Variants in VPS51 observed in about 807,000 individuals in gnomAD.
The protein encoded by VPS51 is VPS51 subunit of GARP complex.
In VPS51, 55 loss-of-function variants were observed where a neutral mutation model predicts 65.1. The observed-to-expected ratio is 0.84, with a 90% CI of 0.68 to 1.06. VPS51 has a LOEUF of 1.06. Among genes scored for constraint, VPS51 ranks in the 50% least tolerant of loss-of-function variants. The pLI, the probability that VPS51 is intolerant of heterozygous loss-of-function variation, is 0.00. For missense variants in VPS51, 943 were observed against 1,101.6 expected, an observed-to-expected ratio of 0.86 and a Z score of 2.04; for synonymous variants, 473 against 489.5, an observed-to-expected ratio of 0.97 and a Z score of 0.44.
intron 2 of VPS51, among the ~76,000 whole-genome samples, chr11:65,104,700 G>C (rs1207167419): frequency 6.6e-6 from 1 of 152,188 alleles, no homozygotes; most frequent in African/African-American, 2.4e-5. Flanking sequence ...AGATATGAAT[G>C]TGTATATGTG....
Position 65,104,553 on chromosome 11 carries a change from G to A in VPS51, c.359-3028G>A, listed in dbSNP as rs1482677661. Reference sequence around the variant, plus strand: ...AATTATTATGAGATCCTCTAATTTTGAGTCATCCTGGCATTCATGAAACAA... The same window carrying A: ...AATTATTATGAGATCCTCTAATTTTAAGTCATCCTGGCATTCATGAAACAA... On this transcript the variant is annotated intron_variant, in intron 2 of 9. Coordinates refer to ENST00000279281, the MANE Select transcript of VPS51 (RefSeq NM_013265.4). Among the ~76,000 whole-genome samples, 3 of 152,132 alleles carry A rather than the reference G, an allele frequency of 2.0e-5. 1 individual carries two copies. Among genetic ancestry groups the A allele is most frequent in the African/African-American group, 7.2e-5 (3 of 41,420 alleles).
In VPS51 at chr11:65,108,754, C is replaced by T; in HGVS notation, c.1283C>T (p.Ala428Val). The T allele has an allele frequency of 1.2e-6, 2 of 1,611,946 alleles. No homozygotes were observed. Among genetic ancestry groups the T allele is most frequent in the Non-Finnish European group, 1.7e-6 (2 of 1,179,832 alleles). Residue 428 changes from alanine to valine, a missense_variant, in exon 5 of 10, where the codon GCG becomes GTG. Around this residue, in one of 2 missense-constraint regions of VPS51, gnomAD observed 855 missense variants for 953.7 expected, o/e 0.90. Transcript: ENST00000279281. ...GGCTGCCTGACAGACGTCCGCCAGGCGCTGGCAGCACCTCGCGTGGCTGGG... is the reference window on the plus strand; with the variant it reads ...GGCTGCCTGACAGACGTCCGCCAGGTGCTGGCAGCACCTCGCGTGGCTGGG... ...FLGCLTDVRQ[A>V]LAAPRVAGKE...
chr11:65,107,567 C>A lies in VPS51; in HGVS notation c.359-14C>A. 1 of 1,570,796 alleles carries A rather than the reference C, an allele frequency of 6.4e-7. No homozygotes were observed. Among genetic ancestry groups the A allele is most frequent in the Middle Eastern group, 1.7e-4 (1 of 5,886 alleles). On this transcript the variant is annotated splice_polypyrimidine_tract_variant and intron_variant, in intron 2 of 9. Coordinates refer to ENST00000279281, the MANE Select transcript of VPS51 (RefSeq NM_013265.4). This position sits in a 1 kb window ranked among gnomAD's most constrained non-coding sequence, Gnocchi z 4.0. ...TCACCTGCTCTCCCCTTTTCCCCGC[C>A]CCTGCCCTCCTAGACACCATCCGGA...
At position 65,107,202 on chromosome 11, in the gene VPS51, C is replaced by G. The variant is rs1312386974; in HGVS notation, c.359-379C>G. 4.1e-6 allele frequency: 2 copies of G among 483,700 alleles called. No homozygotes were observed. The highest frequency in any genetic ancestry group is 3.9e-5 in the African/African-American group (2 of 51,148). The allele number at this position is 483,700 out of a possible 1,614,324, so 30.0% of individuals were successfully genotyped here. ...CCTCATCCAGGCAGTGCGCTGGACA[C>G]GCAGATGCGCTTGGGAGCCAGCGGT... On this transcript the variant is annotated intron_variant, in intron 2 of 9. Coordinates refer to ENST00000279281, the MANE Select transcript of VPS51 (RefSeq NM_013265.4). The surrounding 1 kb of genome is among the most constrained non-coding windows in gnomAD (Gnocchi z 4.0).
intron 2 of VPS51, among the ~76,000 whole-genome samples, chr11:65,101,675 A>C (rs966151140): frequency 7.0e-6 from 1 of 143,458 alleles, no homozygotes; most frequent in Non-Finnish European, 1.5e-5. Context: ...GCTGAGGTGG[A>C]AGGCTTGTAC....
chr11:65,106,679 A>T (rs1947843651), intron 2 of VPS51, among the ~76,000 whole-genome samples: 1 of 151,946 alleles, frequency 6.6e-6, no homozygotes, highest in Admixed American at 6.6e-5. Flanking sequence ...TGAACCTGGG[A>T]ATTGGAGTTT....
chr11:65,109,902 T>TA lies in VPS51; in HGVS notation c.1858dup (p.Thr620AsnfsTer65). 1 of 1,606,556 alleles carries TA rather than the reference T, an allele frequency of 6.2e-7. No individual in the cohort carries two copies. The highest frequency in any genetic ancestry group is 8.5e-7 in the Non-Finnish European group (1 of 1,178,234). ...CCGTCATGAAGCGGGTGGTGGAGGA[T>TA]ACCACCGCCATCGACGTGCAGGTGC... On this transcript the variant is annotated frameshift_variant, in exon 7 of 10. Coordinates refer to ENST00000279281, the MANE Select transcript of VPS51 (RefSeq NM_013265.4). LOFTEE classifies it high-confidence loss of function.
chr11:65,096,668 C>T, intron 1 of VPS51, 190 bp downstream of exon 1: 2 of 638,118 alleles, frequency 3.1e-6, no homozygotes, highest in Non-Finnish European at 2.7e-6. Context: ...TAGGACTGGA[C>T]TGGCCTGAGG....
Position 65,097,118 on chromosome 11 carries a change from T to G in VPS51, c.349T>G (p.Ser117Ala). The G allele has an allele frequency of 6.2e-7, 1 of 1,613,894 alleles. No individual in the cohort carries two copies. Among genetic ancestry groups the G allele is most frequent in the Non-Finnish European group, 8.5e-7 (1 of 1,179,962 alleles). Residue 117 changes from serine to alanine, a missense_variant, in exon 2 of 10, where the codon TCA becomes GCA. Transcript: ENST00000279281. ...LVYENYNKFI[S>A]ATDTIRKMKN... ...CTATGAGAACTACAACAAGTTCATC[T>G]CAGCCACAGGTGATCCCCACGGGGA...
intron 5 of VPS51, 85 bp from the exon 6 acceptor site, chr11:65,109,195 G>T: frequency 7.0e-7 from 1 of 1,422,246 alleles, no homozygotes; most frequent in Non-Finnish European, 9.6e-7. Context: ...AGGGGGCTGG[G>T]GCACTTAGAG....
In VPS51 at chr11:65,107,468, T is replaced by A; in HGVS notation, c.359-113T>A. ...GCAGTCCTTTCTCTGGAATCATCCA[T>A]GCGCCCCTGGAGCAAGCTGGGGCGT... On this transcript the variant is annotated intron_variant, in intron 2 of 9. Coordinates refer to ENST00000279281, the MANE Select transcript of VPS51 (RefSeq NM_013265.4). The surrounding 1 kb of genome is among the most constrained non-coding windows in gnomAD (Gnocchi z 4.0). 4 of 1,298,544 alleles carry A rather than the reference T, an allele frequency of 3.1e-6. No homozygotes were observed. The highest frequency in any genetic ancestry group is 1.5e-5 in the African/African-American group (1 of 67,094). 80.4% of individuals were successfully genotyped at this position (1,298,544 alleles called of 1,614,324 possible). A position where few individuals can be genotyped will look rare whatever the true frequency, so the allele number is the denominator to read the frequency against.
At position 65,107,612 on chromosome 11, in the gene VPS51, G is replaced by A. The variant is rs1168099176; in HGVS notation, c.390G>A (p.Arg130=). ...TCCGGAAGATGAAGAACGATTTCCG[G>A]AAGATGGAGGATGAGATGGACCGGC... ...DTIRKMKNDF[R]KMEDEMDRLA... is the part of the protein sequence containing the mutation. The change falls in exon 3 of 10, where the codon CGG becomes CGA. Residue 130 remains arginine (R), a synonymous_variant. Transcript: ENST00000279281. This position sits in a 1 kb window ranked among gnomAD's most constrained non-coding sequence, Gnocchi z 4.0. The A allele has an allele frequency of 3.1e-6, 5 of 1,599,740 alleles. No individual in the cohort carries two copies. Among genetic ancestry groups the A allele is most frequent in the Non-Finnish European group, 4.3e-6 (5 of 1,168,374 alleles).
rs1212936852 is a variant in VPS51, at chr11:65,096,303, C to T, written c.53C>T (p.Ser18Phe). The part of the protein sequence containing the change: ...GPSPGSGPGD[S>F]PEGPEGEAPE... ...AGCCCGGGGTCTGGACCTGGGGACT[C>T]CCCAGAAGGGCCCGAGGGGGAGGCT... Residue 18 changes from serine to phenylalanine, a missense_variant, in exon 1 of 10, where the codon TCC becomes TTC. Physicochemically the swap from Ser to Phe is radical, Grantham distance 155. This residue lies in a region of VPS51 where 855 missense variants were observed against 953.7 expected (regional missense o/e 0.90). Coordinates refer to ENST00000279281, the MANE Select transcript of VPS51 (RefSeq NM_013265.4). The T allele has an allele frequency of 9.9e-6, 15 of 1,514,768 alleles. No homozygotes were observed. Among genetic ancestry groups the T allele is most frequent in the Non-Finnish European group, 1.3e-5 (15 of 1,137,632 alleles). The allele number at this position is 1,514,768 out of a possible 1,614,324, so 93.8% of individuals were successfully genotyped here.
Position 65,108,288 on chromosome 11 carries a change from C to T in VPS51, c.817C>T (p.Leu273=). The stretch of plus-strand genomic sequence containing the variant: ...TGCGGAGGAGCTGTGCGAGGAGTTC[C>T]TGGCGCACGCCCGCGGCCGGCTGGA... ...EPAEELCEEF[L]AHARGRLEKE... The change falls in exon 5 of 10, where the codon CTG becomes TTG. Residue 273 remains leucine (L), a synonymous_variant. Transcript: ENST00000279281. The T allele has an allele frequency of 1.9e-6, 3 of 1,602,456 alleles. No individual in the cohort carries two copies. Among genetic ancestry groups the T allele is most frequent in the Non-Finnish European group, 2.6e-6 (3 of 1,175,458 alleles).
rs374231576 is a variant in VPS51 at position 65,110,638 on chromosome 11, A to G, written c.2000+35A>G. The G allele has an allele frequency of 2.1e-4, 336 of 1,614,076 alleles. 1 individual carries two copies. In the African/African-American group the frequency reaches 3.8e-3, roughly 18 times the overall value. ...GTCAGGGGAGCCCCAGGGGGAAGGG[A>G]CAAAAGAGGGCGAGGGTGCAGGGCG... On this transcript the variant is annotated intron_variant, in intron 8 of 9. Coordinates refer to ENST00000279281, the MANE Select transcript of VPS51 (RefSeq NM_013265.4).
At chr11:65,110,936 C>T in intron 9 of VPS51, 155 bp downstream of exon 9, 1 of 850,376 alleles carries the variant, frequency 1.2e-6, no homozygotes, top group Non-Finnish European at 1.9e-6. Flanking sequence ...TTAGGTAGTA[C>T]AGAGTGCCCT....
intron 2 of VPS51, among the ~76,000 whole-genome samples, chr11:65,097,842 G>C (rs1947781254): frequency 6.6e-6 from 1 of 151,918 alleles, no homozygotes; most frequent in Admixed American, 6.5e-5. Flanking sequence ...GGGCAACAGA[G>C]CAAGACCCTG....
chr11:65,109,112 T>C, intron 5 of VPS51, 168 bp from the exon 6 acceptor site: 1 of 1,005,656 alleles, frequency 9.9e-7, no homozygotes, highest in Non-Finnish European at 1.4e-6. Flanking sequence ...TCCCCAGTGT[T>C]GGCTTTCTCT....
chr11:65,096,653 G>A, intron 1 of VPS51, 175 bp downstream of exon 1: 1 of 647,310 alleles, frequency 1.5e-6, no homozygotes, highest in Non-Finnish European at 2.6e-6. Flanking sequence ...CTGAGGGGAT[G>A]TGAGTAGGAC....
Sources: gnomAD v4.1 joint callset for allele counts (sites outside exome capture counted in the v4.1 genomes callset) on GRCh38, gnomAD v4.1.1 for gene constraint, gnomAD v4.1.1 regional missense constraint, Gnocchi (gnomAD v3.1) non-coding constraint, MANE v1.5 for transcripts, NCBI Gene and HGNC (gene_info 2026-07-23, HGNC 2026-07-21) for gene names.